Variants in TRIP11 observed in about 807,000 individuals in gnomAD.
TRIP11 encodes thyroid receptor-interacting protein 11.
A neutral mutation model predicts 223.1 loss-of-function variants in TRIP11; 148 were observed. The ratio of observed to expected loss-of-function variants is 0.66; its 90% confidence interval spans 0.58 to 0.76. The LOEUF (loss-of-function observed/expected upper bound fraction) is 0.76. Among genes scored for constraint, TRIP11 ranks in the 30% least tolerant of loss-of-function variants. TRIP11 has a pLI of 0.00. For missense variants in TRIP11, 2,043 were observed against 2,222.0 expected (o/e 0.92, Z 1.62); for synonymous variants, 762 against 772.6 (o/e 0.99, Z 0.23).
chr14:91,993,093 A>C (rs976446785), intron 15 of TRIP11, among the ~76,000 whole-genome samples: 7 of 152,012 alleles, frequency 4.6e-5, no homozygotes, highest in African/African-American at 1.7e-4. Context: ...ATTATACAAA[A>C]AAAAAAAGAT....
chr14:92,029,296 T>TA (rs2057232121), intron 2 of TRIP11, among the ~76,000 whole-genome samples: 1 of 129,442 alleles, frequency 7.7e-6, no homozygotes, highest in African/African-American at 3.0e-5. Context: ...TTTTTTTTTT[T>TA]TTTTTTTTTT....
intron 2 of TRIP11, among the ~76,000 whole-genome samples, chr14:92,028,178 A>C (rs924614117): frequency 6.6e-6 from 1 of 152,172 alleles, no homozygotes; most frequent in Non-Finnish European, 1.5e-5. Context: ...TTTAACTCTG[A>C]TTAATAAATA....
At chr14:92,012,047 G>A (rs907689049) in intron 7 of TRIP11, among the ~76,000 whole-genome samples, 1 of 152,164 alleles carries the variant, frequency 6.6e-6, no homozygotes, top group Admixed American at 6.5e-5. Context: ...AAATTGTATT[G>A]TAGATGAGTC....
At chr14:91,992,751 T>C (rs1172116315) in intron 15 of TRIP11, among the ~76,000 whole-genome samples, 1 of 151,108 alleles carries the variant, frequency 6.6e-6, no homozygotes, top group African/African-American at 2.4e-5. Flanking sequence ...CTACTAAAAA[T>C]ACAAAAAATT....
At chr14:91,989,824 C>T (rs1322677020) in intron 15 of TRIP11, among the ~76,000 whole-genome samples, 1 of 152,100 alleles carries the variant, frequency 6.6e-6, no homozygotes, top group Non-Finnish European at 1.5e-5. Flanking sequence ...TTCTTAAAAG[C>T]CAGGGTTTAG....
intron 20 of TRIP11, 37 bp from the exon 21 acceptor site, chr14:91,969,930 C>T: frequency 1.3e-6 from 2 of 1,581,340 alleles, no homozygotes; most frequent in Non-Finnish European, 1.7e-6. Flanking sequence ...TCCTATCTTT[C>T]ACAAAGAAGT....
chr14:92,021,153 G>T (rs548814950), intron 4 of TRIP11, among the ~76,000 whole-genome samples: 1 of 151,722 alleles, frequency 6.6e-6, no homozygotes, highest in Non-Finnish European at 1.5e-5. Context: ...AACACTTTGG[G>T]AGGCCGAGGT....
chr14:92,039,465 C>T, intron 1 of TRIP11, 82 bp downstream of exon 1: 1 of 1,506,162 alleles, frequency 6.6e-7, no homozygotes, highest in Non-Finnish European at 9.2e-7. Context: ...CTGTCCGCGT[C>T]TCCTGACTGA....
chr14:92,002,199 T>C (rs1394837731), intron 11 of TRIP11, among the ~76,000 whole-genome samples: 1 of 151,982 alleles, frequency 6.6e-6, no homozygotes, highest in African/African-American at 2.4e-5. Flanking sequence ...TACTATCATA[T>C]AGTACAGTAT....
chr14:92,034,644 CTTTATTT>C (rs2057304669), intron 1 of TRIP11, among the ~76,000 whole-genome samples: 1 of 152,074 alleles, frequency 6.6e-6, no homozygotes, highest in South Asian at 2.1e-4. Context: ...ACATTTTCAT[CTTTATTT>C]TTTAATTTTC....
At chr14:92,011,196 G>A in intron 8 of TRIP11, 124 bp from the exon 9 acceptor site, 1 of 908,606 alleles carries the variant, frequency 1.1e-6, no homozygotes. Flanking sequence ...GTAATTATAA[G>A]AATGCAATAC....
rs760185891 is a variant in TRIP11 at position 92,003,727 on chromosome 14, T to C, written c.4249A>G (p.Lys1417Glu). The C allele has an allele frequency of 4.3e-6, 7 of 1,614,092 alleles. No individual in the cohort carries two copies. Among genetic ancestry groups the C allele is most frequent in the African/African-American group, 1.3e-5 (1 of 74,960 alleles). ...KLLKEKDLLI[K>E]AKSDQLLSSN... ...GAAAGTAGTTGATCACTTTTGGCTT[T>C]GATTAAGAGGTCTTTTTCCTTAAGT... The change falls in exon 11 of 21, where the codon AAA becomes GAA. Residue 1417 changes from lysine (K) to glutamate (E), a missense_variant. Coordinates refer to ENST00000267622, the MANE Select transcript of TRIP11 (RefSeq NM_004239.4).
intron 16 of TRIP11, among the ~76,000 whole-genome samples, chr14:91,987,888 T>G (rs1006779537): frequency 5.9e-5 from 9 of 152,230 alleles, no homozygotes; most frequent in African/African-American, 2.2e-4. Flanking sequence ...AGACATTCAT[T>G]CTACAGAAAG....
chr14:92,020,177 G>A (rs148514220), intron 4 of TRIP11, among the ~76,000 whole-genome samples: 3,514 of 151,962 alleles, frequency 0.023, 131 homozygotes, highest in African/African-American at 0.072. Flanking sequence ...GCTTGAACCC[G>A]GGTGGCAGAG....
At chr14:91,986,659 T>C (rs1459330477) in intron 16 of TRIP11, among the ~76,000 whole-genome samples, 3 of 152,208 alleles carry the variant, frequency 2.0e-5, no homozygotes, top group Non-Finnish European at 4.4e-5. Flanking sequence ...AGCACTGAGT[T>C]GTCACAAAGC....
Position 92,011,044 on chromosome 14 carries a change from T to C in TRIP11, c.1256A>G (p.Lys419Arg). Residue 419 changes from lysine (K) to arginine (R), a missense_variant, in exon 9 of 21, where the codon AAA becomes AGA. Coordinates refer to ENST00000267622, the MANE Select transcript of TRIP11 (RefSeq NM_004239.4). ...TAAAACTTCGATACGCATTTTAAGT[T>C]TCAGATTGTCTTCAGCAAGACTGTT... ...QDNSLAEDNL[K>R]LKMRIEVLEK... The C allele has an allele frequency of 6.2e-7, 1 of 1,614,004 alleles. No homozygotes were observed. Among genetic ancestry groups the C allele is most frequent in the Non-Finnish European group, 8.5e-7 (1 of 1,179,980 alleles).
At chr14:92,012,212 T>G (rs1274912335) in intron 7 of TRIP11, among the ~76,000 whole-genome samples, 1 of 152,210 alleles carries the variant, frequency 6.6e-6, no homozygotes, top group Non-Finnish European at 1.5e-5. Flanking sequence ...CACAATACCA[T>G]AATCTCTCAA....
At chr14:92,003,348 A>G (rs138243630) in intron 11 of TRIP11, 71 bp downstream of exon 11, 3 of 1,575,856 alleles carry the variant, frequency 1.9e-6, no homozygotes, top group African/African-American at 1.3e-5. Flanking sequence ...AAGACAATAT[A>G]AATGAAATAA....
chr14:92,003,484 A>T lies in TRIP11; in HGVS notation c.4492T>A (p.Phe1498Ile). The change falls in exon 11 of 21, where the codon TTT becomes ATT. Residue 1498 changes from phenylalanine to isoleucine, a missense_variant. By Grantham distance (21) the Phe-to-Ile change is conservative. Coordinates refer to ENST00000267622, the MANE Select transcript of TRIP11 (RefSeq NM_004239.4). ...KFSMMLREKE[F>I]ECHSMKEKAL... Reference sequence around the variant, plus strand: ...TTCTCCTTCATTGAGTGGCACTCAAACTCTTTTTCTCGCAGCATCATAGAA... The same window carrying T: ...TTCTCCTTCATTGAGTGGCACTCAATCTCTTTTTCTCGCAGCATCATAGAA... 6.2e-7 allele frequency: 1 copy of T among 1,613,872 alleles called. No homozygotes were observed. Among genetic ancestry groups the T allele is most frequent in the Non-Finnish European group, 8.5e-7 (1 of 1,179,958 alleles).
Sources: gnomAD v4.1 joint callset for allele counts (sites outside exome capture counted in the v4.1 genomes callset) on GRCh38, gnomAD v4.1.1 for gene constraint, MANE v1.5 for transcripts, NCBI Gene and HGNC (gene_info 2026-07-23, HGNC 2026-07-21) for gene names.